Variants in DNAJC1 observed in about 807,000 individuals in gnomAD.
DNAJC1 encodes dnaJ homolog subfamily C member 1.
Under a neutral mutation model 76.6 loss-of-function variants are expected in DNAJC1, and 58 were observed. The observed-to-expected ratio is 0.76, with a 90% CI of 0.61 to 0.94. The LOEUF is 0.94. Ranked by LOEUF, DNAJC1 falls within the 40% of genes least tolerant of loss-of-function variation. The probability of loss-of-function intolerance (pLI) is 0.00; values close to 1 mark genes in which losing one functional copy is unlikely to be tolerated. For synonymous variants in DNAJC1, 258 were observed against 267.9 expected, an observed-to-expected ratio of 0.96 and a Z score of 0.36; for missense variants, 689 against 677.3, an observed-to-expected ratio of 1.02 and a Z score of -0.19.
At chr10:21,896,740 G>A (rs1836550935) in intron 7 of DNAJC1, among the ~76,000 whole-genome samples, 1 of 151,954 alleles carries the variant, frequency 6.6e-6, no homozygotes, top group Non-Finnish European at 1.5e-5. Context: ...TTGGAAGGGG[G>A]GGGTTCAGAA....
intron 6 of DNAJC1, among the ~76,000 whole-genome samples, chr10:21,909,526 C>T (rs1403343681): frequency 6.6e-6 from 1 of 152,064 alleles, no homozygotes; most frequent in Admixed American, 6.6e-5. Flanking sequence ...TGTCTTTCAC[C>T]CCCTACCCCT....
At chr10:21,993,213 A>C (rs1465357426) in intron 1 of DNAJC1, among the ~76,000 whole-genome samples, 1 of 152,200 alleles carries the variant, frequency 6.6e-6, no homozygotes, top group South Asian at 2.1e-4. Context: ...CTATACACAC[A>C]TAAGTATATA....
intron 7 of DNAJC1, among the ~76,000 whole-genome samples, chr10:21,903,651 T>G (rs1836696199): frequency 6.6e-6 from 1 of 152,188 alleles, no homozygotes; most frequent in Non-Finnish European, 1.5e-5. Context: ...GACACAGAGA[T>G]GAACAGTCTC....
At chr10:21,925,148 A>T (rs546579857) in intron 3 of DNAJC1, among the ~76,000 whole-genome samples, 1 of 152,210 alleles carries the variant, frequency 6.6e-6, no homozygotes, top group East Asian at 1.9e-4. Flanking sequence ...AGTAGTTGGG[A>T]CTACAGGCAT....
intron 9 of DNAJC1, among the ~76,000 whole-genome samples, chr10:21,797,891 T>A (rs1834766491): frequency 6.6e-6 from 1 of 152,188 alleles, no homozygotes. Flanking sequence ...GGTAGTCTGT[T>A]ACACCAGCAC....
intron 1 of DNAJC1, among the ~76,000 whole-genome samples, chr10:21,956,791 A>C (rs1315519795): frequency 6.7e-6 from 1 of 148,764 alleles, no homozygotes; most frequent in East Asian, 2.0e-4. Flanking sequence ...AAACAGATGC[A>C]GTTAAAAGCC....
In DNAJC1 at chr10:21,763,599, AATTT is replaced by A. The variant is rs1038525045; in HGVS notation, c.1147+2658_1147+2661del. ...TTTTTTTTTTAGACCCTACGCCAAG[AATTT>A]ATTTATTTATTTGGTAAAAGAAAAG... On this transcript the variant is annotated intron_variant, in intron 10 of 11. Coordinates refer to ENST00000376980, the MANE Select transcript of DNAJC1 (RefSeq NM_022365.4). 2.0e-4 allele frequency among the ~76,000 whole-genome samples: 29 copies of A among 148,314 alleles called. 1 individual carries two copies. Among genetic ancestry groups the A allele is most frequent in the Admixed American group, 1.7e-3 (26 of 14,934 alleles).
chr10:21,786,516 T>C (rs1185217616), intron 9 of DNAJC1, among the ~76,000 whole-genome samples: 2 of 143,550 alleles, frequency 1.4e-5, no homozygotes, highest in Non-Finnish European at 3.1e-5. Flanking sequence ...AGTCTCACTC[T>C]GTCACCCAGG....
intron 7 of DNAJC1, among the ~76,000 whole-genome samples, chr10:21,900,844 A>G (rs1416660207): frequency 6.6e-6 from 1 of 152,190 alleles, no homozygotes; most frequent in Non-Finnish European, 1.5e-5. Context: ...TACCACAGGC[A>G]AAGTGTTCTA....
At chr10:22,000,782 C>T (rs1388351061) in intron 1 of DNAJC1, among the ~76,000 whole-genome samples, 3 of 152,218 alleles carry the variant, frequency 2.0e-5, no homozygotes, top group Non-Finnish European at 2.9e-5. Context: ...CCCGTACCAC[C>T]ATGTGAGGAC....
intron 2 of DNAJC1, 91 bp from the exon 3 acceptor site, chr10:21,928,643 A>G: frequency 1.0e-6 from 1 of 982,080 alleles, no homozygotes; most frequent in Non-Finnish European, 1.6e-6. Context: ...ACATGCAGAA[A>G]ATCCTATGTG....
chr10:21,834,663 A>G (rs1011776235), intron 8 of DNAJC1, among the ~76,000 whole-genome samples: 2 of 152,204 alleles, frequency 1.3e-5, no homozygotes, highest in East Asian at 1.9e-4. Context: ...ACGGCACACC[A>G]GGAGATTATA....
chr10:21,854,336 C>G (rs993867317), intron 8 of DNAJC1, among the ~76,000 whole-genome samples: 2 of 127,460 alleles, frequency 1.6e-5, no homozygotes, highest in African/African-American at 5.8e-5. Flanking sequence ...CTATCAGATA[C>G]AAATGTGGAT....
chr10:21,905,901 T>C (rs895334670), intron 6 of DNAJC1, among the ~76,000 whole-genome samples: 1 of 152,092 alleles, frequency 6.6e-6, no homozygotes, highest in African/African-American at 2.4e-5. Context: ...CATAGACCCA[T>C]CTGAGAGAGC....
chr10:21,818,485 T>G (rs1366000209), intron 8 of DNAJC1, among the ~76,000 whole-genome samples: 1 of 152,222 alleles, frequency 6.6e-6, no homozygotes, highest in Non-Finnish European at 1.5e-5. Context: ...TCTATTACCT[T>G]GTGAAGCACA....
chr10:21,986,290 G>C (rs1838246633), intron 1 of DNAJC1, among the ~76,000 whole-genome samples: 1 of 152,134 alleles, frequency 6.6e-6, no homozygotes, highest in Non-Finnish European at 1.5e-5. Flanking sequence ...AAGTATTCCA[G>C]GTTTTCCACA....
chr10:21,816,462 C>G (rs1466064476), intron 8 of DNAJC1, among the ~76,000 whole-genome samples: 3 of 151,804 alleles, frequency 2.0e-5, no homozygotes, highest in East Asian at 3.9e-4. Flanking sequence ...GATCCCAGCA[C>G]TTTGGGAGGC....
chr10:21,910,022 A>C (rs1297010163), intron 6 of DNAJC1, among the ~76,000 whole-genome samples: 1 of 152,238 alleles, frequency 6.6e-6, no homozygotes, highest in Non-Finnish European at 1.5e-5. Context: ...TGATGAAGGA[A>C]GGCTTCATAA....
intron 8 of DNAJC1, among the ~76,000 whole-genome samples, chr10:21,875,585 T>A (rs1440045004): frequency 1.3e-5 from 2 of 152,156 alleles, no homozygotes; most frequent in African/African-American, 4.8e-5. Context: ...GAGATTCTAA[T>A]CAACACAAAT....
Sources: allele counts gnomAD v4.1 joint callset (sites outside exome capture counted in the v4.1 genomes callset), GRCh38; gene constraint gnomAD v4.1.1; transcripts MANE v1.5; gene names NCBI Gene and HGNC (gene_info 2026-07-23, HGNC 2026-07-21).